The following RIMS3 variants were observed in gnomAD, a reference collection of about 807,000 sequenced individuals.
The protein encoded by RIMS3 is regulating synaptic membrane exocytosis protein 3.
A neutral mutation model predicts 29.2 loss-of-function variants in RIMS3; 15 were observed. The ratio of observed to expected loss-of-function variants is 0.51; its 90% CI spans 0.34 to 0.79. RIMS3 has a LOEUF of 0.79. Among genes scored for constraint, RIMS3 ranks in the 30% least tolerant of loss-of-function variants. RIMS3 has a pLI of 0.01. For synonymous variants in RIMS3, 161 were observed against 170.1 expected (o/e 0.95, Z 0.41); for missense variants, 342 against 421.4 (o/e 0.81, Z 1.65).
chr1:40,663,946 TAGC>T (rs1472102676), intron 1 of RIMS3, among the ~76,000 whole-genome samples: 2 of 152,188 alleles, frequency 1.3e-5, no homozygotes, highest in Non-Finnish European at 2.9e-5. Flanking sequence ...GCTACCCACA[TAGC>T]AGCTGGGTTT....
chr1:40,685,395 TTTA>T, the RIMS3 span, among the ~76,000 whole-genome samples: 4 of 129,628 alleles, frequency 3.1e-5, no homozygotes, highest in Non-Finnish European at 6.5e-5. Flanking sequence ...AATAAAAAAA[TTTA>T]TTATGAGAGG....
chr1:40,628,891 T>C lies in RIMS3; in HGVS notation c.633A>G (p.Thr211=). Residue 211 remains threonine, a synonymous_variant, in exon 7 of 8, where the codon ACA becomes ACG. Transcript: ENST00000372684. ...ENGACLAKKK[T]KMTKKTCDPL... is the part of the protein sequence containing the mutation. ...GATCACAGGTCTTCTTGGTCATCTT[T>C]GTCTTCTTCTTGGCCAAGCAGGCCC... The C allele has an allele frequency of 6.2e-7, 1 of 1,613,940 alleles. No homozygotes were observed. The highest frequency in any genetic ancestry group is 8.5e-7 in the Non-Finnish European group (1 of 1,180,022).
chr1:40,631,105 G>A (rs902606391), intron 5 of RIMS3, among the ~76,000 whole-genome samples: 1 of 152,204 alleles, frequency 6.6e-6, no homozygotes, highest in African/African-American at 2.4e-5. Flanking sequence ...GATGGGGGCT[G>A]AGTGGGGACG....
chr1:40,634,670 C>T (rs1206216758), intron 4 of RIMS3, among the ~76,000 whole-genome samples: 1 of 152,076 alleles, frequency 6.6e-6, no homozygotes, highest in Non-Finnish European at 1.5e-5. Context: ...CCTGTTAGGC[C>T]GGGTGCAGTG....
chr1:40,653,786 A>C (rs1340547432), intron 1 of RIMS3, among the ~76,000 whole-genome samples: 2 of 152,128 alleles, frequency 1.3e-5, no homozygotes, highest in Non-Finnish European at 2.9e-5. Context: ...CACATAATTT[A>C]TCATCCACCT....
chr1:40,660,393 T>G lies in RIMS3; in HGVS notation c.-207+5001A>C, dbSNP rs1570204550. ...GTTGGGGCTTCTTTTTTTTTTTTTT[T>G]TTGAGACAGGGTCTCGCTTTGTCAC... On this transcript the variant is annotated intron_variant, in intron 1 of 7. Coordinates refer to ENST00000372684, the MANE Select transcript of RIMS3 (RefSeq NM_014747.3). 3.3e-5 allele frequency among the ~76,000 whole-genome samples: 5 copies of G among 151,450 alleles called. No individual in the cohort carries two copies. In the Middle Eastern group the frequency reaches 0.014, roughly 412 times the overall value.
At chr1:40,649,414 CCA>C (rs574176639) in intron 1 of RIMS3, among the ~76,000 whole-genome samples, 1 of 152,142 alleles carries the variant, frequency 6.6e-6, no homozygotes, top group Non-Finnish European at 1.5e-5. Flanking sequence ...CTGCAAACAC[CCA>C]CACACACCCT....
chr1:40,650,601 C>CTTG (rs900613203), intron 1 of RIMS3, among the ~76,000 whole-genome samples: 3 of 151,950 alleles, frequency 2.0e-5, no homozygotes, highest in African/African-American at 7.3e-5. Flanking sequence ...GGGGCTCATG[C>CTTG]TTGTAATCCC....
chr1:40,672,497 C>T, the RIMS3 span, among the ~76,000 whole-genome samples: 13 of 152,138 alleles, frequency 8.5e-5, no homozygotes, highest in Admixed American at 5.9e-4. Flanking sequence ...CGTGCCTGGC[C>T]GCTAGATGAT....
chr1:40,627,990 G>A (rs1259983968), intron 7 of RIMS3, among the ~76,000 whole-genome samples: 1 of 152,134 alleles, frequency 6.6e-6, no homozygotes, highest in Non-Finnish European at 1.5e-5. Context: ...AAGTTGGATG[G>A]CCCAGACAGC....
chr1:40,636,161 G>T lies in RIMS3; in HGVS notation c.218-104C>A. 1 of 1,403,898 alleles carries T rather than the reference G, an allele frequency of 7.1e-7. No individual in the cohort carries two copies. The highest frequency in any genetic ancestry group is 9.8e-7 in the Non-Finnish European group (1 of 1,017,588). 87.0% of individuals were successfully genotyped at this position (1,403,898 alleles called of 1,614,324 possible). On this transcript the variant is annotated intron_variant, in intron 3 of 7. Transcript: ENST00000372684. This position sits in a 1 kb window ranked among gnomAD's most constrained non-coding sequence, Gnocchi z 4.2. Reference sequence around the variant, plus strand: ...AGTCACTCTCTTGGCATGGGGGGTTGATGGGGAGGATGAGCAGGGCTCTGA... The same window carrying T: ...AGTCACTCTCTTGGCATGGGGGGTTTATGGGGAGGATGAGCAGGGCTCTGA...
the RIMS3 span, among the ~76,000 whole-genome samples, chr1:40,686,518 A>T: frequency 6.6e-6 from 1 of 151,964 alleles, no homozygotes; most frequent in African/African-American, 2.4e-5. Context: ...TTAGCCGAGC[A>T]TGGTCGCTGG....
At chr1:40,660,088 A>G (rs1390769360) in intron 1 of RIMS3, among the ~76,000 whole-genome samples, 1 of 152,218 alleles carries the variant, frequency 6.6e-6, no homozygotes, top group Non-Finnish European at 1.5e-5. Context: ...GGTGGTGGGC[A>G]GCGAGAGGGT....
chr1:40,683,282 A>G, the RIMS3 span, among the ~76,000 whole-genome samples: 2 of 152,240 alleles, frequency 1.3e-5, no homozygotes, highest in Non-Finnish European at 2.9e-5. Context: ...CTCAAGTTGA[A>G]ATTTAATTGC....
intron 6 of RIMS3, 116 bp downstream of exon 6, chr1:40,629,155 C>T: frequency 8.9e-7 from 1 of 1,118,414 alleles, no homozygotes; most frequent in South Asian, 1.4e-5. Flanking sequence ...TCCAGGCAAG[C>T]TGTGACTCCA....
At chr1:40,634,332 G>A (rs144033967) in intron 4 of RIMS3, among the ~76,000 whole-genome samples, 2 of 152,144 alleles carry the variant, frequency 1.3e-5, no homozygotes, top group Non-Finnish European at 2.9e-5. Flanking sequence ...CACCCCACAG[G>A]GAGGGGCTTC....
At chr1:40,689,426 T>A in the RIMS3 span, among the ~76,000 whole-genome samples, 1 of 152,096 alleles carries the variant, frequency 6.6e-6, no homozygotes, top group African/African-American at 2.4e-5. Flanking sequence ...GGATTGCAGG[T>A]GCCTGCCACC....
intron 3 of RIMS3, among the ~76,000 whole-genome samples, chr1:40,640,549 C>A (rs1646549244): frequency 6.6e-6 from 1 of 152,220 alleles, no homozygotes; most frequent in African/African-American, 2.4e-5. Flanking sequence ...CCATCCCATC[C>A]AGCTGCCTAT....
At chr1:40,626,948 CATGTAGGTAGGGGTGCTCTGT>C (rs1382310271) in intron 7 of RIMS3, among the ~76,000 whole-genome samples, 2 of 152,196 alleles carry the variant, frequency 1.3e-5, no homozygotes, top group African/African-American at 2.4e-5. Context: ...TATAACAAGC[CATGTAGGTAGGGGTGCTCTGT>C]ATCATTATTT....
Sources: allele counts gnomAD v4.1 joint callset (sites outside exome capture counted in the v4.1 genomes callset), GRCh38; gene constraint gnomAD v4.1.1; non-coding constraint Gnocchi (gnomAD v3.1); transcripts MANE v1.5; gene names NCBI Gene and HGNC (gene_info 2026-07-23, HGNC 2026-07-21).